TMEM131L: variants seen among roughly 807,000 people sequenced by gnomAD.
The protein encoded by TMEM131L is transmembrane protein 131-like.
Under a neutral mutation model 192.2 loss-of-function variants are expected in TMEM131L, and 54 were observed. That is an observed-to-expected ratio of 0.28 (90% confidence interval 0.23 to 0.35). The LOEUF (loss-of-function observed/expected upper bound fraction) is 0.35, where lower values mean the gene tolerates loss of function less well. Among genes scored for constraint, TMEM131L ranks in the 10% least tolerant of loss-of-function variants. The pLI is 1.00. For synonymous variants in TMEM131L, 701 were observed against 704.9 expected, an observed-to-expected ratio of 0.99 and a Z score of 0.09; for missense variants, 1,888 against 1,972.9, an observed-to-expected ratio of 0.96 and a Z score of 0.82.
intron 17 of TMEM131L, among the ~76,000 whole-genome samples, chr4:153,591,991 G>A (rs1473333163): frequency 1.3e-5 from 2 of 152,106 alleles, no homozygotes; most frequent in African/African-American, 4.8e-5. Context: ...AGTGTCAGAC[G>A]TTACGCCCTC....
intron 25 of TMEM131L, among the ~76,000 whole-genome samples, chr4:153,610,977 A>G (rs1224679581): frequency 6.6e-6 from 1 of 152,254 alleles, no homozygotes; most frequent in East Asian, 1.9e-4. Flanking sequence ...TTCAAATTAG[A>G]AAACAGGCCA....
chr4:153,467,060 C>T (rs1730808277), intron 1 of TMEM131L, 151 bp from the exon 2 acceptor site: 2 of 750,658 alleles, frequency 2.7e-6, no homozygotes, highest in East Asian at 2.7e-5. Context: ...GTATTTTTAT[C>T]CTTGGCTCGC....
chr4:153,475,425 G>C (rs1463385464), intron 3 of TMEM131L, among the ~76,000 whole-genome samples: 2 of 152,150 alleles, frequency 1.3e-5, no homozygotes, highest in Admixed American at 1.3e-4. Context: ...ATTTAAAAAA[G>C]TTAAAAAGGA....
chr4:153,570,619 G>C (rs998597760), intron 7 of TMEM131L, among the ~76,000 whole-genome samples: 9 of 152,048 alleles, frequency 5.9e-5, no homozygotes, highest in African/African-American at 2.2e-4. Flanking sequence ...TTTCTTCCTT[G>C]GGCCCTTGTT....
intron 3 of TMEM131L, among the ~76,000 whole-genome samples, chr4:153,507,217 C>A (rs1029341849): frequency 6.6e-6 from 1 of 152,112 alleles, no homozygotes; most frequent in African/African-American, 2.4e-5. Flanking sequence ...AATGGCCAGG[C>A]TTGTTTTTAT....
intron 3 of TMEM131L, among the ~76,000 whole-genome samples, chr4:153,475,538 A>G: frequency 6.6e-6 from 1 of 152,212 alleles, no homozygotes; most frequent in East Asian, 1.9e-4. Context: ...TAAAGGATGC[A>G]TTTTCAATAA....
intron 7 of TMEM131L, among the ~76,000 whole-genome samples, chr4:153,570,766 G>C (rs559188850): frequency 1.3e-5 from 2 of 152,146 alleles, no homozygotes; most frequent in Non-Finnish European, 2.9e-5. Flanking sequence ...ACTTGCGGGG[G>C]CTTCTGAAAC....
At chr4:153,608,336 C>T (rs7693128) in intron 25 of TMEM131L, among the ~76,000 whole-genome samples, 3 of 152,098 alleles carry the variant, frequency 2.0e-5, no homozygotes, top group Non-Finnish European at 4.4e-5. Flanking sequence ...GTCAAACATT[C>T]GTTATACGTT....
At chr4:153,617,048 T>A (rs149124751) in intron 26 of TMEM131L, among the ~76,000 whole-genome samples, 3 of 152,362 alleles carry the variant, frequency 2.0e-5, no homozygotes, top group African/African-American at 7.2e-5. Flanking sequence ...AATCTCATCT[T>A]GAATTGTAAC....
intron 32 of TMEM131L, among the ~76,000 whole-genome samples, chr4:153,633,580 C>T (rs929321398): frequency 6.6e-6 from 1 of 152,114 alleles, no homozygotes; most frequent in Non-Finnish European, 1.5e-5. Context: ...AAAATAGTTA[C>T]ACAATGGCAG....
At chr4:153,503,969 G>GT (rs201560424) in intron 3 of TMEM131L, among the ~76,000 whole-genome samples, 6 of 152,146 alleles carry the variant, frequency 3.9e-5, no homozygotes, top group South Asian at 2.1e-4. Context: ...CACTTGTGTG[G>GT]TTTTTTTGTT....
chr4:153,540,931 T>C (rs994632786), intron 3 of TMEM131L, among the ~76,000 whole-genome samples: 19 of 152,340 alleles, frequency 1.2e-4, no homozygotes, highest in African/African-American at 4.3e-4. Context: ...TTATGTATAG[T>C]GTCTGGCAAA....
At chr4:153,495,370 G>GC (rs1733100005) in intron 3 of TMEM131L, among the ~76,000 whole-genome samples, 1 of 152,012 alleles carries the variant, frequency 6.6e-6, no homozygotes. Context: ...TTAAGGATAT[G>GC]CCCGGAACAC....
At chr4:153,519,892 C>T (rs956607983) in intron 3 of TMEM131L, among the ~76,000 whole-genome samples, 1 of 152,186 alleles carries the variant, frequency 6.6e-6, no homozygotes, top group Non-Finnish European at 1.5e-5. Context: ...TAGTCCTTGA[C>T]CACAGGGAGT....
intron 26 of TMEM131L, among the ~76,000 whole-genome samples, chr4:153,616,212 C>T (rs1416236417): frequency 6.6e-6 from 1 of 152,158 alleles, no homozygotes; most frequent in Non-Finnish European, 1.5e-5. Flanking sequence ...AAGGTTGTCC[C>T]CAACCAAGTC....
At position 153,555,908 on chromosome 4, in the gene TMEM131L, A is replaced by C. The variant is rs752878472; in HGVS notation, c.430A>C (p.Arg144=). ...TTTCCATGTACCGCCAGTTCCCTGC[A>C]GGGTGGGTGTTGATGGACTCCTGGA... The part of the protein sequence containing the change: ...GHFHVPPVPC[R]VIPAMGKTSF... The change falls in exon 5 of 35, where the codon AGG becomes CGG. Residue 144 remains arginine, a splice_region_variant and synonymous_variant. Transcript: ENST00000409959. This position sits in a 1 kb window ranked among gnomAD's most constrained non-coding sequence, Gnocchi z 4.1. 9.4e-5 allele frequency: 146 copies of C among 1,551,328 alleles called. 3 individuals are homozygous for C. Among genetic ancestry groups the C allele is most frequent in the Middle Eastern group, 6.7e-4 (4 of 5,982 alleles).
At chr4:153,622,754 T>C (rs1189299166) in intron 28 of TMEM131L, 144 bp from the exon 29 acceptor site, 5 of 767,676 alleles carry the variant, frequency 6.5e-6, no homozygotes, top group African/African-American at 1.7e-5. Flanking sequence ...TTAGTTTCCA[T>C]GAACTCCTCC....
At chr4:153,572,747 G>A (rs1025743433) in intron 7 of TMEM131L, among the ~76,000 whole-genome samples, 5 of 152,128 alleles carry the variant, frequency 3.3e-5, no homozygotes, top group Admixed American at 6.5e-5. Flanking sequence ...ATTTGTATGC[G>A]TACAGTTCAC....
At chr4:153,484,183 T>C (rs1732143172) in intron 3 of TMEM131L, among the ~76,000 whole-genome samples, 1 of 152,140 alleles carries the variant, frequency 6.6e-6, no homozygotes, top group Admixed American at 6.5e-5. Context: ...CTTCCACATA[T>C]GAAATATGAC....
Sources: allele counts gnomAD v4.1 joint callset (sites outside exome capture counted in the v4.1 genomes callset), GRCh38; gene constraint gnomAD v4.1.1; non-coding constraint Gnocchi (gnomAD v3.1); transcripts MANE v1.5; gene names NCBI Gene and HGNC (gene_info 2026-07-23, HGNC 2026-07-21).